ATRNL1: variants seen among roughly 807,000 people sequenced by gnomAD.
ATRNL1 encodes the protein attractin-like protein 1.
ATRNL1 carries 95 observed loss-of-function variants against 182.7 expected under a neutral mutation model. The ratio of observed to expected loss-of-function variants is 0.52; its 90% CI spans 0.44 to 0.62. The LOEUF (loss-of-function observed/expected upper bound fraction) is 0.62. Among genes scored for constraint, ATRNL1 ranks in the 20% least tolerant of loss-of-function variants. ATRNL1 has a pLI of 0.00. For synonymous variants in ATRNL1, 576 were observed against 568.3 expected (o/e 1.01, Z -0.19); for missense variants, 1,471 against 1,679.5 (o/e 0.88, Z 2.17).
intron 9 of ATRNL1, among the ~76,000 whole-genome samples, chr10:115,239,785 A>G (rs1850336798): frequency 6.6e-6 from 1 of 152,168 alleles, no homozygotes; most frequent in South Asian, 2.1e-4. Context: ...TGCTGGAATT[A>G]GTGTATAGCT....
intron 19 of ATRNL1, among the ~76,000 whole-genome samples, chr10:115,372,651 C>T (rs555385825): frequency 6.3e-4 from 96 of 152,168 alleles, no homozygotes; most frequent in Non-Finnish European, 1.0e-3. Context: ...ATTGTGTGTT[C>T]TTGCCACCTT....
intron 1 of ATRNL1, among the ~76,000 whole-genome samples, chr10:115,099,906 C>T (rs113321632): frequency 1.6e-4 from 24 of 152,292 alleles, no homozygotes; most frequent in African/African-American, 5.5e-4. Context: ...AATGAAATCT[C>T]TTGACAGTAT....
Position 115,111,407 on chromosome 10 carries a change from G to C in ATRNL1, c.294-8778G>C, listed in dbSNP as rs76067499. 2.0e-5 allele frequency among the ~76,000 whole-genome samples: 3 copies of C among 152,278 alleles called. No homozygotes were observed. In the East Asian group the frequency reaches 5.8e-4, roughly 29 times the overall value. ...TGTGTAAGGAAAAGAGATTTGTTTG[G>C]CTCATGATTCTGCAGGATGTACAAG... On this transcript the variant is annotated intron_variant, in intron 1 of 28. Transcript: ENST00000355044.
At chr10:115,733,271 AT>A (rs1326152953) in intron 27 of ATRNL1, among the ~76,000 whole-genome samples, 1 of 152,118 alleles carries the variant, frequency 6.6e-6, no homozygotes, top group Non-Finnish European at 1.5e-5. Context: ...CAGAATTTTC[AT>A]TTTACAAATT....
At position 115,093,754 on chromosome 10, in the gene ATRNL1, G is replaced by A; in HGVS notation, c.4G>A (p.Glu2Lys). The A allele has an allele frequency of 7.1e-7, 1 of 1,415,014 alleles. No homozygotes were observed. Among genetic ancestry groups the A allele is most frequent in the Admixed American group, 3.1e-5 (1 of 31,940 alleles). The allele number at this position is 1,415,014 out of a possible 1,614,324, so 87.7% of individuals were successfully genotyped here. A position where few individuals can be genotyped will look rare whatever the true frequency, so the allele number is the denominator to read the frequency against. Residue 2 changes from glutamate to lysine, a missense_variant, in exon 1 of 29, where the codon GAG becomes AAG. Glu to Lys is a moderately conservative substitution (Grantham distance 56, BLOSUM62 1). This residue lies in a region of ATRNL1 where 1,031 missense variants were observed against 1,156.0 expected (regional missense o/e 0.89). Coordinates refer to ENST00000355044, the MANE Select transcript of ATRNL1 (RefSeq NM_207303.4). This position sits in a 1 kb window ranked among gnomAD's most constrained non-coding sequence, Gnocchi z 6.1. M[E>K]TGGRARTGTP... ...CCGGGCAGGGGCGCCGGGGAAGATG[G>A]AGACTGGGGGCCGGGCCCGCACTGG...
At chr10:115,554,076 T>G (rs1280715862) in intron 26 of ATRNL1, among the ~76,000 whole-genome samples, 1 of 151,592 alleles carries the variant, frequency 6.6e-6, no homozygotes, top group East Asian at 1.9e-4. Flanking sequence ...TTCATAGCAC[T>G]TCAAAGTTCT....
chr10:115,468,886 G>T (rs1438013097), intron 23 of ATRNL1, among the ~76,000 whole-genome samples: 3 of 150,510 alleles, frequency 2.0e-5, no homozygotes, highest in African/African-American at 7.3e-5. Context: ...AAAAATGGAG[G>T]TGATAATACT....
chr10:115,551,506 C>G (rs1308026522), intron 26 of ATRNL1, among the ~76,000 whole-genome samples: 1 of 151,226 alleles, frequency 6.6e-6, no homozygotes, highest in East Asian at 1.9e-4. Context: ...AATATAATGC[C>G]CTTCTTTCCA....
intron 28 of ATRNL1, among the ~76,000 whole-genome samples, chr10:115,924,213 A>G (rs931733460): frequency 1.3e-5 from 2 of 152,134 alleles, no homozygotes; most frequent in Non-Finnish European, 2.9e-5. Flanking sequence ...GTTCACCCTG[A>G]TGATAGTTTC....
intron 28 of ATRNL1, among the ~76,000 whole-genome samples, chr10:115,916,414 T>C (rs1450334323): frequency 1.3e-5 from 2 of 152,190 alleles, no homozygotes; most frequent in Non-Finnish European, 2.9e-5. Flanking sequence ...TTGTTTGAAA[T>C]AGTCTCGGTC....
intron 25 of ATRNL1, among the ~76,000 whole-genome samples, chr10:115,526,211 T>C (rs1851209126): frequency 6.6e-6 from 1 of 152,150 alleles, no homozygotes; most frequent in Non-Finnish European, 1.5e-5. Context: ...CCTTTTTGCA[T>C]AACACAACTT....
intron 18 of ATRNL1, among the ~76,000 whole-genome samples, chr10:115,321,715 G>A (rs1854595170): frequency 6.9e-6 from 1 of 144,516 alleles, no homozygotes; most frequent in Admixed American, 7.1e-5. Context: ...ACACAGAGAT[G>A]CCCACTTGCA....
intron 22 of ATRNL1, among the ~76,000 whole-genome samples, chr10:115,465,702 A>G (rs553839160): frequency 6.6e-6 from 1 of 151,630 alleles, no homozygotes; most frequent in East Asian, 1.9e-4. Context: ...GATTTACTCT[A>G]TGTATTTAAA....
chr10:115,828,185 C>T (rs557889210), intron 27 of ATRNL1, among the ~76,000 whole-genome samples: 9 of 152,168 alleles, frequency 5.9e-5, no homozygotes, highest in African/African-American at 9.6e-5. Context: ...GGCGTGGTGG[C>T]GCATGCCTGT....
chr10:115,334,206 T>C (rs1855372066), intron 18 of ATRNL1, 76 bp from the exon 19 acceptor site: 2 of 995,764 alleles, frequency 2.0e-6, no homozygotes, highest in East Asian at 2.7e-5. Flanking sequence ...CTTTTTAAGA[T>C]ACATTCTTTG....
At chr10:115,188,320 C>T (rs535668531) in intron 8 of ATRNL1, among the ~76,000 whole-genome samples, 2 of 152,246 alleles carry the variant, frequency 1.3e-5, no homozygotes, top group South Asian at 2.1e-4. Flanking sequence ...TTCCCTTGAA[C>T]TTGCTGTGGC....
In ATRNL1 at chr10:115,398,923, G is replaced by A. The variant is rs536755225; in HGVS notation, c.3269+4171G>A. 5.3e-5 allele frequency among the ~76,000 whole-genome samples: 8 copies of A among 152,156 alleles called. No homozygotes were observed. In the East Asian group the frequency reaches 1.5e-3, roughly 29 times the overall value. ...AGAGTTTTTAACATGAGTGGATGTT[G>A]AATTTTATAGAAACCCCTTTCTGCA... On this transcript the variant is annotated intron_variant, in intron 20 of 28. Transcript: ENST00000355044.
intron 25 of ATRNL1, among the ~76,000 whole-genome samples, chr10:115,525,372 C>A (rs1479631327): frequency 1.3e-5 from 2 of 152,204 alleles, no homozygotes; most frequent in Non-Finnish European, 2.9e-5. Context: ...AGCGCTGACA[C>A]CTGTCGTCTA....
intron 26 of ATRNL1, among the ~76,000 whole-genome samples, chr10:115,586,280 C>A: frequency 1.9e-5 from 1 of 52,860 alleles, no homozygotes; most frequent in African/African-American, 4.2e-5. Flanking sequence ...CTCTGTATTT[C>A]CTGAATCTGA....
Sources: gnomAD v4.1 joint callset for allele counts (sites outside exome capture counted in the v4.1 genomes callset) on GRCh38, gnomAD v4.1.1 for gene constraint, gnomAD v4.1.1 regional missense constraint, Gnocchi (gnomAD v3.1) non-coding constraint, MANE v1.5 for transcripts, NCBI Gene and HGNC (gene_info 2026-07-23, HGNC 2026-07-21) for gene names.